AK5: variants seen among roughly 807,000 people sequenced by gnomAD.
AK5 encodes adenylate kinase isoenzyme 5.
AK5 carries 27 observed loss-of-function variants against 69.5 expected under a neutral mutation model. The ratio of observed to expected loss-of-function variants is 0.39; its 90% CI spans 0.29 to 0.54. AK5 has a LOEUF of 0.54. Among genes scored for constraint, AK5 ranks in the 20% least tolerant of loss-of-function variants. AK5 has a pLI of 0.71. For missense variants in AK5, 531 were observed against 700.4 expected, an observed-to-expected ratio of 0.76 and a Z score of 2.73; for synonymous variants, 260 against 244.4, an observed-to-expected ratio of 1.06 and a Z score of -0.60.
chr1:77,550,423 TATA>T (rs1037805059), intron 13 of AK5, among the ~76,000 whole-genome samples: 3 of 152,218 alleles, frequency 2.0e-5, no homozygotes, highest in African/African-American at 4.8e-5. Context: ...AAATTAATAT[TATA>T]ATAATTGATT....
chr1:77,366,700 A>G (rs910023088), intron 6 of AK5, among the ~76,000 whole-genome samples: 6 of 152,172 alleles, frequency 3.9e-5, no homozygotes, highest in African/African-American at 1.4e-4. Context: ...CATGAACCAT[A>G]TGTCTTAGAG....
At chr1:77,532,558 C>G (rs747137056) in intron 12 of AK5, among the ~76,000 whole-genome samples, 1 of 152,192 alleles carries the variant, frequency 6.6e-6, no homozygotes, top group East Asian at 1.9e-4. Flanking sequence ...CCTCTGAGGG[C>G]CTCCATTTCC....
intron 8 of AK5, among the ~76,000 whole-genome samples, chr1:77,479,778 G>C (rs1655149806): frequency 6.6e-6 from 1 of 152,056 alleles, no homozygotes; most frequent in African/African-American, 2.4e-5. Context: ...CCATAATTCA[G>C]ACTTAAGGTG....
At chr1:77,515,503 A>G (rs1383925312) in intron 10 of AK5, among the ~76,000 whole-genome samples, 1 of 152,184 alleles carries the variant, frequency 6.6e-6, no homozygotes. Context: ...TAGCAAGAAA[A>G]CTTTGTCAGG....
At chr1:77,326,602 T>C (rs549009136) in intron 5 of AK5, among the ~76,000 whole-genome samples, 17 of 152,320 alleles carry the variant, frequency 1.1e-4, no homozygotes, top group Admixed American at 9.8e-4. Flanking sequence ...TATTCTCCCA[T>C]TATCAGTTCA....
chr1:77,286,730 C>T (rs1361189275), intron 1 of AK5, among the ~76,000 whole-genome samples: 1 of 151,884 alleles, frequency 6.6e-6, no homozygotes, highest in East Asian at 1.9e-4. Context: ...ACCTGTAATC[C>T]CAGCTACTCG....
intron 5 of AK5, among the ~76,000 whole-genome samples, chr1:77,301,855 G>C (rs1162394803): frequency 1.3e-5 from 2 of 152,148 alleles, no homozygotes; most frequent in East Asian, 3.8e-4. Flanking sequence ...GGATTGCAAA[G>C]GTCCTTGCCC....
intron 8 of AK5, among the ~76,000 whole-genome samples, chr1:77,470,842 TATATATATATATATA>T: frequency 9.5e-4 from 1 of 1,052 alleles, no homozygotes; most frequent in African/African-American, 1.9e-3. Flanking sequence ...TATATATATA[TATATATATATATATA>T]TATATATATA....
At position 77,361,816 on chromosome 1, in the gene AK5, C is replaced by T. The variant is rs527293392; in HGVS notation, c.891+21248C>T. Among the ~76,000 whole-genome samples the T allele has an allele frequency of 7.2e-5, 11 of 152,190 alleles. No homozygotes were observed. The East Asian group carries it at 1.5e-3, about 21-fold the overall frequency. Reference sequence around the variant, plus strand: ...GACTCATTCGCTATGACAAGAACAGCGCAGGAAAGACATCCTCACCCCCGC... The same window carrying T: ...GACTCATTCGCTATGACAAGAACAGTGCAGGAAAGACATCCTCACCCCCGC... On this transcript the variant is annotated intron_variant, in intron 6 of 13. Transcript: ENST00000354567.
At chr1:77,339,952 G>A (rs1313764700) in intron 5 of AK5, among the ~76,000 whole-genome samples, 1 of 152,082 alleles carries the variant, frequency 6.6e-6, no homozygotes, top group Non-Finnish European at 1.5e-5. Flanking sequence ...ATTGGGCCTG[G>A]CATACAGTAG....
chr1:77,321,551 C>T (rs1024586217), intron 5 of AK5, among the ~76,000 whole-genome samples: 1 of 151,784 alleles, frequency 6.6e-6, no homozygotes, highest in Non-Finnish European at 1.5e-5. Context: ...CATTTGACAA[C>T]ATTGAACATA....
At chr1:77,412,012 T>A (rs183205178) in intron 7 of AK5, among the ~76,000 whole-genome samples, 15 of 152,360 alleles carry the variant, frequency 9.8e-5, no homozygotes, top group Admixed American at 7.2e-4. Flanking sequence ...ACATGACTAC[T>A]GCTGCTCTGA....
chr1:77,307,016 C>G (rs1659679168), intron 5 of AK5, among the ~76,000 whole-genome samples: 1 of 151,694 alleles, frequency 6.6e-6, no homozygotes. Context: ...CAAATATTTT[C>G]TTTGTCAATT....
intron 5 of AK5, among the ~76,000 whole-genome samples, chr1:77,337,483 CA>C (rs35548350): frequency 6.6e-6 from 1 of 151,914 alleles, no homozygotes; most frequent in South Asian, 2.1e-4. Flanking sequence ...TTTTATTTGT[CA>C]AAAAAATTTC....
intron 13 of AK5, among the ~76,000 whole-genome samples, chr1:77,557,999 C>G (rs1660210295): frequency 6.6e-6 from 1 of 151,762 alleles, no homozygotes; most frequent in South Asian, 2.1e-4. Flanking sequence ...AATATGTACC[C>G]TCTTCAGAGG....
At chr1:77,439,710 T>C (rs142666911) in intron 8 of AK5, among the ~76,000 whole-genome samples, 1 of 150,136 alleles carries the variant, frequency 6.7e-6, no homozygotes, top group Non-Finnish European at 1.5e-5. Flanking sequence ...TCCATCCATA[T>C]TGCTGCAAAT....
At chr1:77,506,399 G>A (rs773206854) in intron 10 of AK5, among the ~76,000 whole-genome samples, 1 of 152,044 alleles carries the variant, frequency 6.6e-6, no homozygotes, top group African/African-American at 2.4e-5. Context: ...ATGGGGGTAG[G>A]GTGAAGATGG....
At chr1:77,506,316 C>T (rs1188980050) in intron 10 of AK5, among the ~76,000 whole-genome samples, 2 of 151,606 alleles carry the variant, frequency 1.3e-5, no homozygotes, top group African/African-American at 4.9e-5. Flanking sequence ...TCATATTCAG[C>T]TGAAAGGACA....
Position 77,350,336 on chromosome 1 carries a change from G to T in AK5, c.891+9768G>T, listed in dbSNP as rs181513802. 3.3e-3 allele frequency among the ~76,000 whole-genome samples: 505 copies of T among 152,296 alleles called. 1 individual carries two copies. Among genetic ancestry groups the T allele is most frequent in the African/African-American group, 0.011 (465 of 41,572 alleles). ...GTTGGAACCCAGAAATAGGAAAGAA[G>T]GTCATGATAAGCAGACACGTGTAGA... On this transcript the variant is annotated intron_variant, in intron 6 of 13. Coordinates refer to ENST00000354567, the MANE Select transcript of AK5 (RefSeq NM_174858.3).
Sources: gnomAD v4.1 joint callset for allele counts (sites outside exome capture counted in the v4.1 genomes callset) on GRCh38, gnomAD v4.1.1 for gene constraint, MANE v1.5 for transcripts, NCBI Gene and HGNC (gene_info 2026-07-23, HGNC 2026-07-21) for gene names.